SLCO4C1: variants seen among roughly 807,000 people sequenced by gnomAD.
The protein encoded by SLCO4C1 is organic anion transporter M1.
A neutral mutation model predicts 72.1 loss-of-function variants in SLCO4C1; 58 were observed. The observed-to-expected ratio is 0.80, with a 90% CI of 0.65 to 1.00. The LOEUF is 1.00. Among genes scored for constraint, SLCO4C1 ranks in the 50% least tolerant of loss-of-function variants. The pLI is 0.00. For synonymous variants in SLCO4C1, 297 were observed against 312.5 expected, an observed-to-expected ratio of 0.95 and a Z score of 0.52; for missense variants, 898 against 857.9, an observed-to-expected ratio of 1.05 and a Z score of -0.58.
rs1015144438 is a variant in SLCO4C1 at position 102,238,228 on chromosome 5, A to C, written c.2014+1023T>G. Among the ~76,000 whole-genome samples the C allele has an allele frequency of 8.5e-5, 13 of 152,260 alleles. No homozygotes were observed. In the East Asian group the frequency reaches 2.3e-3, roughly 27 times the overall value. ...TCATCATTGACTAGGAAAATGAATG[A>C]TTTGTTCTATCTATATCTTTGACCA... is the stretch of plus-strand genomic sequence containing the variant. On this transcript the variant is annotated intron_variant, in intron 12 of 12. Transcript: ENST00000310954.
chr5:102,253,571 C>T (rs1426999528), intron 8 of SLCO4C1, among the ~76,000 whole-genome samples: 1 of 152,016 alleles, frequency 6.6e-6, no homozygotes, highest in Non-Finnish European at 1.5e-5. Flanking sequence ...CTTTGGGAGG[C>T]CGAGGCGGGT....
chr5:102,236,972 G>T lies in SLCO4C1; in HGVS notation c.2061C>A (p.Ile687=), dbSNP rs759975179. The T allele has an allele frequency of 8.7e-6, 14 of 1,610,808 alleles. 1 individual carries two copies. The South Asian group carries it at 1.5e-4, about 18-fold the overall frequency. The change falls in exon 13 of 13, where the codon ATC becomes ATA. Residue 687 remains isoleucine, a synonymous_variant. Coordinates refer to ENST00000310954, the MANE Select transcript of SLCO4C1 (RefSeq NM_180991.5). ...VITMFFNGFA[I]FLYKPPPSAT... ...CTGATGGAGGTGGTTTATACAAAAA[G>T]ATTGCAAATCCATTGAAGAACATGG...
intron 5 of SLCO4C1, 79 bp downstream of exon 5, chr5:102,261,833 T>C (rs1394147653): frequency 2.9e-6 from 4 of 1,402,818 alleles, no homozygotes; most frequent in South Asian, 3.2e-5. Context: ...GAATCTATAG[T>C]TCTTATTAAT....
chr5:102,277,149 A>C (rs1249380012), intron 2 of SLCO4C1, among the ~76,000 whole-genome samples: 1 of 152,184 alleles, frequency 6.6e-6, no homozygotes, highest in Non-Finnish European at 1.5e-5. Context: ...CAAAAGATCA[A>C]GAAAGAAGCA....
chr5:102,251,476 G>A (rs1462579192), intron 8 of SLCO4C1, among the ~76,000 whole-genome samples: 3 of 152,090 alleles, frequency 2.0e-5, no homozygotes, highest in Non-Finnish European at 2.9e-5. Flanking sequence ...AATGGAAGAG[G>A]CTACTCAAGA....
At chr5:102,262,413 G>T (rs1322380394) in intron 4 of SLCO4C1, among the ~76,000 whole-genome samples, 1 of 152,086 alleles carries the variant, frequency 6.6e-6, no homozygotes, top group African/African-American at 2.4e-5. Context: ...TAAAAGTCCA[G>T]AGTGTGCTTC....
chr5:102,272,713 T>C (rs1749175321), intron 2 of SLCO4C1, among the ~76,000 whole-genome samples: 1 of 152,170 alleles, frequency 6.6e-6, no homozygotes, highest in Non-Finnish European at 1.5e-5. Flanking sequence ...TCCAGTACTT[T>C]GGAAGGACAA....
rs1215479837 is a variant in SLCO4C1, at chr5:102,272,777, A to AG, written c.620-1972_620-1971insC. On this transcript the variant is annotated intron_variant, in intron 2 of 12. Transcript: ENST00000310954. The stretch of plus-strand genomic sequence containing the variant: ...TTGAGACTAGCATTGCCAACATGGT[A>AG]AAACCCGTCTCTACTGAAAATACAA... Among the ~76,000 whole-genome samples, 6 of 63,608 alleles carry AG rather than the reference A, an allele frequency of 9.4e-5. No individual in the cohort carries two copies. In the East Asian group the frequency reaches 2.4e-3, roughly 25 times the overall value. 41.7% of individuals were successfully genotyped at this position (63,608 alleles called of 152,430 possible).
intron 9 of SLCO4C1, among the ~76,000 whole-genome samples, chr5:102,247,920 T>C (rs1372739000): frequency 4.9e-5 from 2 of 40,502 alleles, no homozygotes; most frequent in Non-Finnish European, 1.0e-4. Context: ...CCAGAAACTT[T>C]TTTTTTTTTT....
At chr5:102,266,423 G>A (rs1364134445) in intron 3 of SLCO4C1, among the ~76,000 whole-genome samples, 2 of 152,202 alleles carry the variant, frequency 1.3e-5, no homozygotes, top group African/African-American at 4.8e-5. Context: ...GCCGAGGTGG[G>A]TGGATTATCT....
At position 102,260,330 on chromosome 5, in the gene SLCO4C1, AAT is replaced by A. The variant is rs762693983; in HGVS notation, c.1022-13_1022-12del. On this transcript the variant is annotated splice_polypyrimidine_tract_variant and intron_variant, in intron 5 of 12. Transcript: ENST00000310954. ...GAATTTCTGCTGTACCTAAAAAAAA[AAT>A]ATATATATATATATAATATATATAT... is the stretch of plus-strand genomic sequence containing the variant. The A allele has an allele frequency of 3.1e-3, 154 of 49,292 alleles. No individual in the cohort carries two copies. Among genetic ancestry groups the A allele is most frequent in the Middle Eastern group, 0.01 (1 of 100 alleles). 3.1% of individuals were successfully genotyped at this position (49,292 alleles called of 1,614,324 possible). A position where few individuals can be genotyped will look rare whatever the true frequency, so the allele number is the denominator to read the frequency against.
At chr5:102,278,941 A>T (rs1010568701) in intron 2 of SLCO4C1, among the ~76,000 whole-genome samples, 1 of 151,876 alleles carries the variant, frequency 6.6e-6, no homozygotes, top group Non-Finnish European at 1.5e-5. Context: ...ACCTAGAGAA[A>T]AATAATAATA....
chr5:102,287,287 G>C (rs1749470515), intron 2 of SLCO4C1, among the ~76,000 whole-genome samples: 1 of 152,078 alleles, frequency 6.6e-6, no homozygotes, highest in South Asian at 2.1e-4. Flanking sequence ...ACTTGCAAAA[G>C]TAGATTAATA....
chr5:102,263,620 C>G (rs1264767640), intron 4 of SLCO4C1, 64 bp downstream of exon 4: 11 of 1,345,144 alleles, frequency 8.2e-6, no homozygotes, highest in Non-Finnish European at 1.1e-6. Context: ...AATGTTCTGT[C>G]TATGATGCTG....
Position 102,235,709 on chromosome 5 carries a change from T to C in SLCO4C1, c.*1149A>G, listed in dbSNP as rs1217767792. The C allele has an allele frequency of 6.6e-6, 1 of 152,226 alleles. No homozygotes were observed. Among genetic ancestry groups the C allele is most frequent in the African/African-American group, 2.4e-5 (1 of 41,458 alleles). 9.4% of individuals were successfully genotyped at this position (152,226 alleles called of 1,614,324 possible). A position where few individuals can be genotyped will look rare whatever the true frequency, so the allele number is the denominator to read the frequency against. On this transcript the variant is annotated 3_prime_UTR_variant, in exon 13 of 13. Coordinates refer to ENST00000310954, the MANE Select transcript of SLCO4C1 (RefSeq NM_180991.5). ...GATTCTCATAGGAGTGCACACTCCA[T>C]TGGGAACTGCACATGCAAGGGATCT... is the stretch of plus-strand genomic sequence containing the variant.
At chr5:102,287,262 G>A (rs10052669) in intron 2 of SLCO4C1, among the ~76,000 whole-genome samples, 31,269 of 151,780 alleles carry the variant, frequency 0.21, 4,143 homozygotes, top group Non-Finnish European at 0.26. Context: ...CAGATTTTTC[G>A]TTATAGATTC....
intron 1 of SLCO4C1, among the ~76,000 whole-genome samples, chr5:102,293,603 C>T (rs1482160807): frequency 1.3e-5 from 2 of 152,094 alleles, no homozygotes; most frequent in Non-Finnish European, 2.9e-5. Context: ...TTTTTCTTTC[C>T]AATTAAATGT....
intron 10 of SLCO4C1, 117 bp from the exon 11 acceptor site, chr5:102,240,899 C>CA: frequency 1.6e-6 from 1 of 616,682 alleles, no homozygotes; most frequent in Non-Finnish European, 2.8e-6. Flanking sequence ...GTTGTAAACG[C>CA]AAAATAATGC....
At chr5:102,267,707 T>C (rs3096194) in intron 3 of SLCO4C1, among the ~76,000 whole-genome samples, 120,313 of 151,106 alleles carry the variant, frequency 0.8, 48,276 homozygotes, top group African/African-American at 0.9. Flanking sequence ...CATCATTAGG[T>C]GGTTTATTTG....
Sources: allele counts gnomAD v4.1 joint callset (sites outside exome capture counted in the v4.1 genomes callset), GRCh38; gene constraint gnomAD v4.1.1; transcripts MANE v1.5; gene names NCBI Gene and HGNC (gene_info 2026-07-23, HGNC 2026-07-21).